PCSK5: variants seen among roughly 807,000 people sequenced by gnomAD.
The protein encoded by PCSK5 is proprotein convertase subtilisin/kexin type 5.
PCSK5 carries 129 observed loss-of-function variants against 233.2 expected under a neutral mutation model. The observed-to-expected ratio is 0.55, with a 90% CI of 0.48 to 0.64. The LOEUF is 0.64. Ranked by LOEUF, PCSK5 falls within the 30% of genes least tolerant of loss-of-function variation. The pLI is 0.00. For missense variants in PCSK5, 2,076 were observed against 2,430.1 expected, an observed-to-expected ratio of 0.85 and a Z score of 3.06; for synonymous variants, 825 against 879.2, an observed-to-expected ratio of 0.94 and a Z score of 1.09.
chr9:76,089,186 A>G (rs1831186468), intron 7 of PCSK5, among the ~76,000 whole-genome samples: 1 of 152,126 alleles, frequency 6.6e-6, no homozygotes, highest in African/African-American at 2.4e-5. Context: ...CGGAATAACC[A>G]TGGCATAAAG....
At chr9:76,265,781 C>G (rs1018049594) in intron 24 of PCSK5, among the ~76,000 whole-genome samples, 15 of 152,102 alleles carry the variant, frequency 9.9e-5, no homozygotes, top group African/African-American at 3.1e-4. Flanking sequence ...ATATATAAAA[C>G]AAGTGGGTGA....
At chr9:75,924,526 GCCGGCATGGAAACAC>G (rs765900613) in intron 1 of PCSK5, among the ~76,000 whole-genome samples, 37 of 152,012 alleles carry the variant, frequency 2.4e-4, no homozygotes, top group Non-Finnish European at 3.5e-4. Context: ...ATACTTTATT[GCCGGCATGGAAACAC>G]TAATGTAAGT....
intron 24 of PCSK5, among the ~76,000 whole-genome samples, chr9:76,256,506 C>T (rs62564578): frequency 0.024 from 3,730 of 152,294 alleles, 70 homozygotes; most frequent in Middle Eastern, 0.054. Context: ...TGACATTAAA[C>T]GTCCAAGGGC....
intron 5 of PCSK5, among the ~76,000 whole-genome samples, chr9:76,036,170 G>A (rs1458874253): frequency 1.3e-5 from 2 of 152,126 alleles, no homozygotes; most frequent in Admixed American, 1.3e-4. Context: ...TAAGCTAAAG[G>A]AAAGGTTATA....
chr9:75,936,854 C>T (rs991633207), intron 2 of PCSK5, among the ~76,000 whole-genome samples: 1 of 152,174 alleles, frequency 6.6e-6, no homozygotes, highest in African/African-American at 2.4e-5. Flanking sequence ...TTAGAGGAAA[C>T]ACTATCTATC....
chr9:76,075,860 A>C (rs2131610528), intron 7 of PCSK5, among the ~76,000 whole-genome samples: 1 of 152,288 alleles, frequency 6.6e-6, no homozygotes, highest in South Asian at 2.1e-4. Flanking sequence ...GCGAGCTCCC[A>C]CTTTCTATAT....
chr9:76,267,948 T>A (rs1280711384), intron 24 of PCSK5, among the ~76,000 whole-genome samples: 1 of 61,370 alleles, frequency 1.6e-5, no homozygotes, highest in Non-Finnish European at 2.9e-5. Flanking sequence ...TGCTTATGGG[T>A]ATACACACAC....
chr9:76,259,456 T>TACACAC (rs10592376), intron 24 of PCSK5, among the ~76,000 whole-genome samples: 32,012 of 148,576 alleles, frequency 0.22, 3,837 homozygotes, highest in Non-Finnish European at 0.28. Flanking sequence ...CTGTCTACAC[T>TACACAC]ACACACACAC....
At chr9:76,173,483 G>A (rs1463578061) in intron 13 of PCSK5, among the ~76,000 whole-genome samples, 3 of 80,868 alleles carry the variant, frequency 3.7e-5, no homozygotes, top group African/African-American at 1.3e-4. Flanking sequence ...TTAATGAAAT[G>A]GAGGCACGTT....
At chr9:76,012,464 C>T (rs985136365) in intron 3 of PCSK5, among the ~76,000 whole-genome samples, 5 of 152,126 alleles carry the variant, frequency 3.3e-5, no homozygotes, top group African/African-American at 9.7e-5. Context: ...CCTACTCAAC[C>T]GTAGGACTGT....
chr9:76,032,159 G>A (rs1828677586), intron 5 of PCSK5, among the ~76,000 whole-genome samples: 1 of 152,182 alleles, frequency 6.6e-6, no homozygotes, highest in South Asian at 2.1e-4. Flanking sequence ...GAATAAGGAA[G>A]TTGAGGCATG....
At chr9:76,254,429 CT>C (rs1826911800) in intron 24 of PCSK5, among the ~76,000 whole-genome samples, 1 of 151,676 alleles carries the variant, frequency 6.6e-6, no homozygotes, top group Non-Finnish European at 1.5e-5. Flanking sequence ...AAATGTCTAA[CT>C]TTTTTCTTCT....
chr9:76,012,001 G>A (rs1587495870), intron 3 of PCSK5, among the ~76,000 whole-genome samples: 1 of 151,844 alleles, frequency 6.6e-6, no homozygotes, highest in Non-Finnish European at 1.5e-5. Context: ...TACTTGTTTA[G>A]TATCCATCTG....
At chr9:75,902,995 A>G (rs1826106287) in intron 1 of PCSK5, among the ~76,000 whole-genome samples, 1 of 152,244 alleles carries the variant, frequency 6.6e-6, no homozygotes, top group Non-Finnish European at 1.5e-5. Flanking sequence ...AAAATGGTCT[A>G]TACTATCTCA....
chr9:75,931,839 A>G (rs1212985633), intron 1 of PCSK5, among the ~76,000 whole-genome samples: 2 of 152,222 alleles, frequency 1.3e-5, no homozygotes, highest in Non-Finnish European at 2.9e-5. Flanking sequence ...TAGTTTTGCA[A>G]TAAATGCATA....
intron 3 of PCSK5, 76 bp downstream of exon 3, chr9:75,986,321 T>C: frequency 1.2e-6 from 1 of 852,426 alleles, no homozygotes; most frequent in African/African-American, 1.7e-5. Flanking sequence ...CTGTTGGTCT[T>C]GGGAGGACAC....
intron 21 of PCSK5, among the ~76,000 whole-genome samples, chr9:76,231,365 G>A (rs1206101230): frequency 6.6e-6 from 1 of 152,168 alleles, no homozygotes; most frequent in East Asian, 1.9e-4. Flanking sequence ...TTCAAGATGA[G>A]ATTTTGGGTG....
chr9:76,191,411 T>C (rs1375590405), intron 20 of PCSK5, among the ~76,000 whole-genome samples: 1 of 152,104 alleles, frequency 6.6e-6, no homozygotes, highest in Non-Finnish European at 1.5e-5. Context: ...GTTATGAACT[T>C]CTCTGGGCCT....
intron 33 of PCSK5, among the ~76,000 whole-genome samples, chr9:76,331,333 C>G (rs1829527969): frequency 6.6e-6 from 1 of 152,068 alleles, no homozygotes; most frequent in Non-Finnish European, 1.5e-5. Context: ...CCTGCATTAT[C>G]CACGTAGACC....
Sources: gnomAD v4.1 joint callset for allele counts (sites outside exome capture counted in the v4.1 genomes callset) on GRCh38, gnomAD v4.1.1 for gene constraint, MANE v1.5 for transcripts, NCBI Gene and HGNC (gene_info 2026-07-23, HGNC 2026-07-21) for gene names.